The following SMC4 variants were observed in gnomAD, a reference collection of about 807,000 sequenced individuals.
The protein encoded by SMC4 is structural maintenance of chromosomes protein 4.
In SMC4, 87 loss-of-function variants were observed where a neutral mutation model predicts 145.6. The ratio of observed to expected loss-of-function variants is 0.60; its 90% confidence interval spans 0.50 to 0.71. SMC4 has a LOEUF of 0.71. Ranked by LOEUF, SMC4 falls within the 30% of genes least tolerant of loss-of-function variation. The pLI is 0.00. For missense variants in SMC4, 1,447 were observed against 1,537.1 expected (o/e 0.94, Z 0.98); for synonymous variants, 558 against 500.7 (o/e 1.11, Z -1.53).
At chr3:160,431,485 T>TA (rs1342938142) in intron 20 of SMC4, among the ~76,000 whole-genome samples, 158 bp from the exon 21 acceptor site, 3 of 152,218 alleles carry the variant, frequency 2.0e-5, no homozygotes, top group South Asian at 2.1e-4. Flanking sequence ...TTTTGAGTGT[T>TA]ACAACTATTT....
intron 20 of SMC4, 139 bp downstream of exon 20, chr3:160,431,344 TCTA>T (rs1454971447): frequency 1.4e-6 from 1 of 726,852 alleles, no homozygotes; most frequent in East Asian, 2.9e-5. Flanking sequence ...TGTGATCACT[TCTA>T]AGGTTTATAG....
chr3:160,403,379 T>C (rs1714930674), intron 4 of SMC4, among the ~76,000 whole-genome samples: 1 of 152,132 alleles, frequency 6.6e-6, no homozygotes, highest in African/African-American at 2.4e-5. Context: ...CTAATGTTTG[T>C]TTTCTAGAAA....
At chr3:160,418,255 GATAA>G (rs1310700273) in intron 11 of SMC4, among the ~76,000 whole-genome samples, 7 of 152,054 alleles carry the variant, frequency 4.6e-5, no homozygotes, top group Non-Finnish European at 1.0e-4. Context: ...ACAATTTAAA[GATAA>G]ATAAAAAACA....
Position 160,419,383 on chromosome 3 carries a change from C to A in SMC4, c.1697C>A (p.Thr566Lys), listed in dbSNP as rs765856656. The A allele has an allele frequency of 6.5e-5, 104 of 1,595,482 alleles. 2 individuals carry two copies. The South Asian group carries it at 1.1e-3, about 16-fold the overall frequency. ...AAAGAAAAAGAACTTCAAAAACTTA[C>A]ACAAGAAGAAACAAACTTTAAAAGT... ...KEKEKELQKL[T>K]QEETNFKSLV... The change falls in exon 12 of 24, where the codon ACA becomes AAA. Residue 566 changes from threonine (T) to lysine (K), a missense_variant. Physicochemically the swap from Thr to Lys is moderately conservative, Grantham distance 78 (BLOSUM62 -1). Transcript: ENST00000357388.
rs1440556620 is a variant in SMC4, at chr3:160,433,114, C to T, written c.3619C>T (p.Leu1207Phe). The change falls in exon 23 of 24, where the codon CTT becomes TTT. Residue 1207 changes from leucine to phenylalanine, a missense_variant. Coordinates refer to ENST00000357388, the MANE Select transcript of SMC4 (RefSeq NM_001002800.3). The part of the protein sequence containing the change: ...TLSSLALVFA[L>F]HHYKPTPLYF... ...TAGTTCATTGGCTTTAGTATTTGCT[C>T]TTCACCACTACAAGCCCACTCCCCT... 1 of 1,613,182 alleles carries T rather than the reference C, an allele frequency of 6.2e-7. No homozygotes were observed. The highest frequency in any genetic ancestry group is 1.7e-5 in the Admixed American group (1 of 59,984).
Position 160,428,804 on chromosome 3 carries a change from G to A in SMC4, c.2657G>A (p.Arg886His), listed in dbSNP as rs745737028. The A allele has an allele frequency of 5.2e-5, 83 of 1,603,468 alleles. No individual in the cohort carries two copies. Among genetic ancestry groups the A allele is most frequent in the Non-Finnish European group, 3.5e-5 (41 of 1,177,732 alleles). The change falls in exon 18 of 24, where the codon CGC (arginine) becomes CAC (histidine). Residue 886 changes from arginine to histidine, a missense_variant. Physicochemically the swap from Arg to His is conservative, Grantham distance 29. Coordinates refer to ENST00000357388, the MANE Select transcript of SMC4 (RefSeq NM_001002800.3). Reference sequence around the variant, plus strand: ...GGTAAAGTAGAAGCTGAGGTTAAACGCTTACACAATACCATCGTAGAAATC... The same window carrying A: ...GGTAAAGTAGAAGCTGAGGTTAAACACTTACACAATACCATCGTAGAAATC... ...KAGKVEAEVK[R>H]LHNTIVEINN...
rs551031376 is a variant in SMC4, at chr3:160,411,061, A to C, written c.688-859A>C. Among the ~76,000 whole-genome samples the C allele has an allele frequency of 3.3e-5, 5 of 152,160 alleles. No individual in the cohort carries two copies. In the South Asian group the frequency reaches 1.0e-3, roughly 32 times the overall value. On this transcript the variant is annotated intron_variant, in intron 5 of 23. Coordinates refer to ENST00000357388, the MANE Select transcript of SMC4 (RefSeq NM_001002800.3). ...AGACACAATTTTCTCTCCACCATCA[A>C]ACTAAATGACTGCCTAGCAGTCAGC...
At chr3:160,411,684 T>C in intron 5 of SMC4, 1 of 333,088 alleles carries the variant, frequency 3.0e-6, no homozygotes, top group Non-Finnish European at 5.5e-6. Flanking sequence ...TATAAGGATT[T>C]ATCTAAGGGA....
chr3:160,428,432 T>A (rs1282898795), intron 17 of SMC4, among the ~76,000 whole-genome samples: 1 of 152,176 alleles, frequency 6.6e-6, no homozygotes, highest in African/African-American at 2.4e-5. Flanking sequence ...TATCTAAGGC[T>A]AAAAATCATT....
Position 160,419,522 on chromosome 3 carries a change from T to C in SMC4, c.1836T>C (p.Ile612=), listed in dbSNP as rs1716943725. Reference sequence around the variant, plus strand: ...TTCAAGAAAAAAAATCTGGCAGGATTCCAGGAATATATGGAAGATTGGTAA... The same window carrying C: ...TTCAAGAAAAAAAATCTGGCAGGATCCCAGGAATATATGGAAGATTGGTAA... ...AIIQEKKSGR[I]PGIYGRLGDL... is the part of the protein sequence containing the mutation. The change falls in exon 12 of 24, where the codon ATT becomes ATC. Residue 612 remains isoleucine (I), a synonymous_variant. Coordinates refer to ENST00000357388, the MANE Select transcript of SMC4 (RefSeq NM_001002800.3). 43 of 1,602,708 alleles carry C rather than the reference T, an allele frequency of 2.7e-5. No homozygotes were observed. The highest frequency in any genetic ancestry group is 3.4e-5 in the Non-Finnish European group (40 of 1,177,406).
intron 1 of SMC4, 172 bp from the exon 2 acceptor site, chr3:160,400,650 G>A (rs1576927047): frequency 2.6e-6 from 2 of 762,016 alleles, no homozygotes; most frequent in East Asian, 3.4e-5. Flanking sequence ...AACCAGTCCT[G>A]CCTTCTTGCC....
Position 160,432,320 on chromosome 3 carries a change from A to T in SMC4, c.3335A>T (p.Lys1112Ile). Residue 1112 changes from lysine (K) to isoleucine (I), a missense_variant, in exon 22 of 24, where the codon AAA becomes ATA. Transcript: ENST00000357388. The part of the protein sequence containing the change: ...LYLQRVAELD[K>I]ITYERDSFRQ... ...TTGCAACGGGTAGCAGAATTGGACAAAATTACTTATGAAAGAGACAGTTTT... is the reference window on the plus strand; with the variant it reads ...TTGCAACGGGTAGCAGAATTGGACATAATTACTTATGAAAGAGACAGTTTT... 1 of 1,612,108 alleles carries T rather than the reference A, an allele frequency of 6.2e-7. No homozygotes were observed. Among genetic ancestry groups the T allele is most frequent in the Non-Finnish European group, 8.5e-7 (1 of 1,179,532 alleles).
chr3:160,402,568 G>C, intron 3 of SMC4, 108 bp from the exon 4 acceptor site: 1 of 1,111,506 alleles, frequency 9.0e-7, no homozygotes, highest in Non-Finnish European at 1.3e-6. Context: ...TTAAATACTT[G>C]CAGTTTTTAA....
intron 11 of SMC4, 73 bp downstream of exon 11, chr3:160,418,029 C>G: frequency 8.1e-7 from 1 of 1,240,176 alleles, no homozygotes; most frequent in Non-Finnish European, 1.1e-6. Flanking sequence ...TGTTTTTAAT[C>G]TCCGCGTCAG....
intron 17 of SMC4, 122 bp from the exon 18 acceptor site, chr3:160,428,631 A>G (rs1718051526): frequency 1.3e-6 from 1 of 790,874 alleles, no homozygotes; most frequent in Non-Finnish European, 2.0e-6. Flanking sequence ...GCTTTTTCCC[A>G]TATGCCTAAA....
intron 22 of SMC4, chr3:160,432,806 C>G (rs1718552290): frequency 1.8e-6 from 1 of 544,456 alleles, no homozygotes; most frequent in Non-Finnish European, 3.2e-6. Flanking sequence ...AAGTATAATA[C>G]TTAGCTTGCT....
intron 5 of SMC4, among the ~76,000 whole-genome samples, chr3:160,411,374 T>C (rs1476505375): frequency 6.6e-6 from 1 of 152,208 alleles, no homozygotes; most frequent in Admixed American, 6.5e-5. Flanking sequence ...TGACTACCTT[T>C]GAAACCCATT....
chr3:160,399,663 G>A lies in SMC4; in HGVS notation c.-92G>A, dbSNP rs1483022054. The A allele has an allele frequency of 1.3e-5, 2 of 152,588 alleles. No homozygotes were observed. 9.5% of individuals were successfully genotyped at this position (152,588 alleles called of 1,614,324 possible). A position where few individuals can be genotyped will look rare whatever the true frequency, so the allele number is the denominator to read the frequency against. On this transcript the variant is annotated 5_prime_UTR_variant, in exon 1 of 24. Transcript: ENST00000357388. ...ATTTTAGGCGCCATTTTCGAGTGAA[G>A]GACCCGGAGCCGAAACACCGGTAGG... is the stretch of plus-strand genomic sequence containing the variant.
intron 9 of SMC4, among the ~76,000 whole-genome samples, chr3:160,416,032 G>A (rs1355530854): frequency 6.6e-6 from 1 of 152,136 alleles, no homozygotes; most frequent in African/African-American, 2.4e-5. Flanking sequence ...TTCATAAGAG[G>A]TCAGGTGTTT....
Sources: gnomAD v4.1 joint callset for allele counts (sites outside exome capture counted in the v4.1 genomes callset) on GRCh38, gnomAD v4.1.1 for gene constraint, MANE v1.5 for transcripts, NCBI Gene and HGNC (gene_info 2026-07-23, HGNC 2026-07-21) for gene names.